Variants in KCNT2 observed in about 807,000 individuals in gnomAD.
KCNT2 encodes potassium sodium-activated channel subfamily T member 2.
KCNT2 carries 67 observed loss-of-function variants against 153.8 expected under a neutral mutation model. The observed-to-expected ratio is 0.44, with a 90% CI of 0.36 to 0.53. The LOEUF (loss-of-function observed/expected upper bound fraction) is 0.53, where lower values mean the gene tolerates loss of function less well. KCNT2 is among the 20% of genes least tolerant of loss of function. KCNT2 has a pLI of 0.00. For synonymous variants in KCNT2, 500 were observed against 458.8 expected (o/e 1.09, Z -1.15); for missense variants, 975 against 1,354.8 (o/e 0.72, Z 4.40).
chr1:196,363,524 T>C (rs1045856859), intron 14 of KCNT2, among the ~76,000 whole-genome samples: 1 of 152,048 alleles, frequency 6.6e-6, no homozygotes, highest in African/African-American at 2.4e-5. Context: ...AATGCAACAG[T>C]GTTGGGAGGT....
At chr1:196,261,708 C>A (rs1558077055) in intron 25 of KCNT2, among the ~76,000 whole-genome samples, 1 of 151,836 alleles carries the variant, frequency 6.6e-6, no homozygotes, top group Non-Finnish European at 1.5e-5. Flanking sequence ...TAAACAAAAA[C>A]AAATTTTAAA....
At chr1:196,541,601 GC>G (rs886801728) in intron 1 of KCNT2, among the ~76,000 whole-genome samples, 12 of 151,958 alleles carry the variant, frequency 7.9e-5, no homozygotes, top group African/African-American at 2.9e-4. Context: ...AGACCTTATG[GC>G]CCCAGAGACT....
At chr1:196,418,159 CT>C (rs1020043491) in intron 12 of KCNT2, among the ~76,000 whole-genome samples, 35 of 151,916 alleles carry the variant, frequency 2.3e-4, no homozygotes, top group African/African-American at 8.4e-4. Context: ...CAGAATCTGT[CT>C]GCTTGGGCTA....
chr1:196,311,864 A>G (rs1662216968), intron 21 of KCNT2, among the ~76,000 whole-genome samples: 1 of 151,894 alleles, frequency 6.6e-6, no homozygotes, highest in East Asian at 2.0e-4. Context: ...ACCAAGTGGG[A>G]TATTTTGGTA....
chr1:196,307,949 C>A (rs1387191632), intron 21 of KCNT2, among the ~76,000 whole-genome samples: 2 of 151,866 alleles, frequency 1.3e-5, no homozygotes, highest in African/African-American at 4.8e-5. Flanking sequence ...TTTAAAATAA[C>A]AATGTCACTA....
chr1:196,280,930 A>T lies in KCNT2; in HGVS notation c.2840T>A (p.Leu947Ter). The change falls in exon 25 of 28, where the codon TTG becomes TAG. Residue 947 changes from leucine (L) to a stop codon, truncating the protein, a stop_gained. Transcript: ENST00000294725. LOFTEE classifies it high-confidence loss of function. ...IRTYARLYQKLCSSTGDVPIG... is the reference protein window; with the variant it reads ...IRTYARLYQK ...GGGAACATCTCCAGTAGAAGAACAC[A>T]ACTTCTGATAAAGTCTGGCATAAGT... 6.2e-7 allele frequency: 1 copy of T among 1,610,616 alleles called. No homozygotes were observed. The highest frequency in any genetic ancestry group is 8.5e-7 in the Non-Finnish European group (1 of 1,176,822).
intron 1 of KCNT2, among the ~76,000 whole-genome samples, chr1:196,549,480 C>T (rs1558066359): frequency 6.6e-6 from 1 of 151,876 alleles, no homozygotes; most frequent in African/African-American, 2.4e-5. Context: ...CATAGTTTCA[C>T]AAACATCTCT....
chr1:196,237,097 T>C (rs1024319868), intron 26 of KCNT2, among the ~76,000 whole-genome samples: 2 of 151,644 alleles, frequency 1.3e-5, no homozygotes, highest in Non-Finnish European at 3.0e-5. Context: ...AATGGTTTCA[T>C]ACCAATACCT....
intron 13 of KCNT2, among the ~76,000 whole-genome samples, chr1:196,379,138 T>C (rs868732098): frequency 1.3e-5 from 2 of 152,176 alleles, no homozygotes; most frequent in Non-Finnish European, 2.9e-5. Context: ...TTCTTCTTGT[T>C]GGTGAGACAA....
At chr1:196,366,082 T>C (rs1196102891) in intron 14 of KCNT2, among the ~76,000 whole-genome samples, 1 of 152,060 alleles carries the variant, frequency 6.6e-6, no homozygotes, top group Admixed American at 6.6e-5. Flanking sequence ...TCTTTTCAGA[T>C]CTCAACTTTT....
chr1:196,252,163 A>T (rs1442890896), intron 26 of KCNT2, among the ~76,000 whole-genome samples: 1 of 151,588 alleles, frequency 6.6e-6, no homozygotes, highest in Non-Finnish European at 1.5e-5. Context: ...TCTTCTTTTA[A>T]TCATTCCATT....
At chr1:196,330,438 T>TG (rs1489037984) in intron 18 of KCNT2, among the ~76,000 whole-genome samples, 1 of 151,936 alleles carries the variant, frequency 6.6e-6, no homozygotes, top group Non-Finnish European at 1.5e-5. Context: ...CTGAGATTTT[T>TG]AACTGTAACT....
At chr1:196,474,761 G>A (rs1678384316) in intron 5 of KCNT2, among the ~76,000 whole-genome samples, 1 of 152,014 alleles carries the variant, frequency 6.6e-6, no homozygotes, top group Non-Finnish European at 1.5e-5. Flanking sequence ...AGAATTAGAG[G>A]GTATTTATGA....
chr1:196,516,471 G>A (rs111856858), intron 1 of KCNT2, among the ~76,000 whole-genome samples: 8,774 of 151,684 alleles, frequency 0.058, 396 homozygotes, highest in Non-Finnish European at 0.085. Flanking sequence ...GCTGGCAGCA[G>A]TCCCAAACCT....
intron 22 of KCNT2, among the ~76,000 whole-genome samples, chr1:196,297,596 G>T (rs538791326): frequency 5.8e-4 from 88 of 152,206 alleles, no homozygotes; most frequent in Admixed American, 2.6e-3. Flanking sequence ...AGAATAGATT[G>T]AACAATGTTT....
At chr1:196,434,733 G>T (rs1039826596) in intron 8 of KCNT2, among the ~76,000 whole-genome samples, 1 of 151,846 alleles carries the variant, frequency 6.6e-6, no homozygotes, top group African/African-American at 2.4e-5. Flanking sequence ...CTAATGACTT[G>T]CTTTGACCAA....
intron 26 of KCNT2, among the ~76,000 whole-genome samples, chr1:196,249,411 G>A (rs955912162): frequency 6.6e-6 from 1 of 152,098 alleles, no homozygotes; most frequent in African/African-American, 2.4e-5. Flanking sequence ...AAAAACCTAA[G>A]GATTTGAACC....
chr1:196,461,282 T>A (rs1034198409), intron 8 of KCNT2, among the ~76,000 whole-genome samples: 1 of 151,696 alleles, frequency 6.6e-6, no homozygotes. Context: ...ATGTTTAACA[T>A]GATCATATTT....
intron 3 of KCNT2, 49 bp downstream of exon 3, chr1:196,489,787 ACT>A: frequency 2.0e-6 from 2 of 992,428 alleles, no homozygotes; most frequent in Non-Finnish European, 3.1e-6. Context: ...ATGTGATACA[ACT>A]CAAAATAATC....
Sources: gnomAD v4.1 joint callset for allele counts (sites outside exome capture counted in the v4.1 genomes callset) on GRCh38, gnomAD v4.1.1 for gene constraint, MANE v1.5 for transcripts, NCBI Gene and HGNC (gene_info 2026-07-23, HGNC 2026-07-21) for gene names.